Variants in ASIC2 observed in about 807,000 individuals in gnomAD.
ASIC2 encodes the protein acid sensing ion channel subunit 2.
Under a neutral mutation model 57.3 loss-of-function variants are expected in ASIC2, and 25 were observed. The observed-to-expected ratio is 0.44, with a 90% CI of 0.32 to 0.61. The LOEUF is 0.61. Among genes scored for constraint, ASIC2 ranks in the 20% least tolerant of loss-of-function variants. The probability of loss-of-function intolerance (pLI) is 0.06; values close to 1 mark genes in which losing one functional copy is unlikely to be tolerated. For missense variants in ASIC2, 641 were observed against 738.1 expected (o/e 0.87, Z 1.52); for synonymous variants, 319 against 307.5 (o/e 1.04, Z -0.39).
chr17:33,741,580 G>A (rs1717109748), intron 1 of ASIC2, among the ~76,000 whole-genome samples: 2 of 152,216 alleles, frequency 1.3e-5, no homozygotes, highest in Admixed American at 6.5e-5. Context: ...CTGGGGTGAT[G>A]AAGAGTCTCC....
At chr17:33,844,746 C>T (rs1913532272) in intron 1 of ASIC2, among the ~76,000 whole-genome samples, 1 of 152,172 alleles carries the variant, frequency 6.6e-6, no homozygotes, top group South Asian at 2.1e-4. Context: ...AAACTGTCAA[C>T]CTGTTATTTA....
intron 1 of ASIC2, among the ~76,000 whole-genome samples, chr17:33,260,404 A>G (rs992168858): frequency 1.1e-4 from 17 of 152,178 alleles, no homozygotes; most frequent in African/African-American, 4.1e-4. Flanking sequence ...CAGTTGGAGC[A>G]CTCAGCAGAG....
chr17:33,571,009 T>A (rs772479198), intron 1 of ASIC2, among the ~76,000 whole-genome samples: 10 of 152,174 alleles, frequency 6.6e-5, no homozygotes, highest in Non-Finnish European at 1.0e-4. Context: ...GAAAGAGATT[T>A]CACTCTTTTG....
intron 1 of ASIC2, among the ~76,000 whole-genome samples, chr17:34,020,798 A>G (rs1907131552): frequency 6.6e-6 from 1 of 152,188 alleles, no homozygotes. Context: ...CCGTGATTTC[A>G]GCATCCTGAA....
intron 1 of ASIC2, among the ~76,000 whole-genome samples, chr17:33,933,819 C>T (rs1467397720): frequency 1.3e-5 from 2 of 152,228 alleles, no homozygotes; most frequent in Non-Finnish European, 2.9e-5. Context: ...CCAACCTAGA[C>T]AGGCTATCAA....
chr17:33,304,477 C>A (rs116362615), intron 1 of ASIC2, among the ~76,000 whole-genome samples: 1,728 of 152,312 alleles, frequency 0.011, 33 homozygotes, highest in African/African-American at 0.04. Context: ...GGGGCCACTG[C>A]ATCCTCGGAC....
intron 1 of ASIC2, among the ~76,000 whole-genome samples, chr17:34,113,943 A>G (rs187153423): frequency 1.3e-5 from 2 of 152,328 alleles, no homozygotes; most frequent in Admixed American, 1.3e-4. Context: ...AGGAAGATAC[A>G]GTTATCCTCA....
intron 1 of ASIC2, among the ~76,000 whole-genome samples, chr17:33,233,549 CACACACACAT>C (rs986963381): frequency 1.1e-4 from 11 of 101,488 alleles, no homozygotes; most frequent in African/African-American, 3.4e-4. Flanking sequence ...CACACACACA[CACACACACAT>C]GGCATAAGCA....
chr17:33,853,646 G>T (rs1034984452), intron 1 of ASIC2, among the ~76,000 whole-genome samples: 2 of 152,140 alleles, frequency 1.3e-5, no homozygotes, highest in Admixed American at 1.3e-4. Context: ...AGGTTCAAAT[G>T]GATTTAATCG....
At chr17:33,155,186 C>T (rs1176636157) in intron 1 of ASIC2, among the ~76,000 whole-genome samples, 1 of 152,238 alleles carries the variant, frequency 6.6e-6, no homozygotes, top group Non-Finnish European at 1.5e-5. Flanking sequence ...CGCCCAACCC[C>T]ACACCTGGCA....
At chr17:33,388,284 A>G (rs1909768988) in intron 1 of ASIC2, among the ~76,000 whole-genome samples, 1 of 152,228 alleles carries the variant, frequency 6.6e-6, no homozygotes, top group Non-Finnish European at 1.5e-5. Flanking sequence ...AGCCCTGCTG[A>G]TGTCTTAACT....
chr17:33,900,389 G>A (rs182693194), intron 1 of ASIC2, among the ~76,000 whole-genome samples: 25 of 152,226 alleles, frequency 1.6e-4, no homozygotes, highest in Admixed American at 3.3e-4. Flanking sequence ...AGTGGAGCAC[G>A]TAATTGTAAG....
intron 1 of ASIC2, among the ~76,000 whole-genome samples, chr17:33,736,629 T>C (rs1909919958): frequency 6.6e-6 from 1 of 152,142 alleles, no homozygotes; most frequent in Non-Finnish European, 1.5e-5. Context: ...AAAAGCAATA[T>C]AAGCTTATAA....
intron 1 of ASIC2, among the ~76,000 whole-genome samples, chr17:33,607,677 C>T (rs1905264188): frequency 6.6e-6 from 1 of 152,166 alleles, no homozygotes; most frequent in South Asian, 2.1e-4. Flanking sequence ...TGTGACTCTC[C>T]ATCAGCTCAA....
chr17:34,130,601 T>TC (rs1911923810), intron 1 of ASIC2, among the ~76,000 whole-genome samples: 1 of 152,216 alleles, frequency 6.6e-6, no homozygotes, highest in Non-Finnish European at 1.5e-5. Context: ...CCCACACCTT[T>TC]CCTCAAACAG....
At chr17:34,068,321 G>A (rs745528764) in intron 1 of ASIC2, among the ~76,000 whole-genome samples, 2 of 152,152 alleles carry the variant, frequency 1.3e-5, no homozygotes, top group Non-Finnish European at 2.9e-5. Flanking sequence ...GGTTTTTCTG[G>A]GTTACAGGGA....
At chr17:33,024,672 G>T (rs2091851963) in intron 5 of ASIC2, among the ~76,000 whole-genome samples, 1 of 152,170 alleles carries the variant, frequency 6.6e-6, no homozygotes, top group Admixed American at 6.5e-5. Flanking sequence ...TCCATGCTGG[G>T]CGGGCCTAGC....
At chr17:33,779,996 A>G (rs941439830) in intron 1 of ASIC2, among the ~76,000 whole-genome samples, 2 of 87,638 alleles carry the variant, frequency 2.3e-5, no homozygotes, top group Non-Finnish European at 2.3e-5. Context: ...TTTGAGACAG[A>G]GTCTCACTGT....
chr17:33,332,052 G>C (rs12940150), intron 1 of ASIC2, among the ~76,000 whole-genome samples: 35,957 of 152,144 alleles, frequency 0.24, 4,850 homozygotes, highest in Middle Eastern at 0.36. Context: ...GATTTTAGCA[G>C]TGAAGGCTAA....
Sources: allele counts gnomAD v4.1 joint callset (sites outside exome capture counted in the v4.1 genomes callset), GRCh38; gene constraint gnomAD v4.1.1; transcripts MANE v1.5; gene names NCBI Gene and HGNC (gene_info 2026-07-23, HGNC 2026-07-21).